The following MCTP2 variants were observed in gnomAD, a reference collection of about 807,000 sequenced individuals.
MCTP2 encodes multiple C2 and transmembrane domain-containing protein 2.
A neutral mutation model predicts 111.6 loss-of-function variants in MCTP2; 132 were observed. That is an observed-to-expected ratio of 1.18 (90% CI 1.03 to 1.37). The LOEUF is 1.37. Ranked by LOEUF, MCTP2 falls within the 40% of genes most tolerant of loss-of-function variation. MCTP2 has a pLI of 0.00. For synonymous variants in MCTP2, 395 were observed against 387.7 expected (o/e 1.02, Z -0.22); for missense variants, 1,183 against 1,067.9 (o/e 1.11, Z -1.50).
At chr15:94,390,747 T>G (rs59300739) in intron 14 of MCTP2, among the ~76,000 whole-genome samples, 41,331 of 140,666 alleles carry the variant, frequency 0.29, 6,547 homozygotes, top group East Asian at 0.66. Context: ...TTTTTTTTTT[T>G]GGGATGGAGT....
chr15:94,402,542 T>C (rs1425409309), intron 17 of MCTP2: 1 of 1,551,784 alleles, frequency 6.4e-7, no homozygotes, highest in East Asian at 2.4e-5. Context: ...CTGGTGACAT[T>C]GGCCCATCCT....
intron 1 of MCTP2, among the ~76,000 whole-genome samples, chr15:94,243,588 T>TACGCA (rs2071311087): frequency 3.3e-5 from 5 of 149,904 alleles, no homozygotes; most frequent in African/African-American, 1.2e-4. Context: ...TATGCGTATA[T>TACGCA]TTGTATATGT....
intron 8 of MCTP2, among the ~76,000 whole-genome samples, chr15:94,350,894 A>T (rs569081087): frequency 2.0e-5 from 3 of 151,582 alleles, no homozygotes; most frequent in East Asian, 3.9e-4. Flanking sequence ...TTTTTTTTTT[A>T]AATAGTAGGA....
At chr15:94,419,314 T>C (rs903734568) in intron 17 of MCTP2, among the ~76,000 whole-genome samples, 1 of 152,106 alleles carries the variant, frequency 6.6e-6, no homozygotes, top group Non-Finnish European at 1.5e-5. Context: ...ACACCAGAAA[T>C]AGTACATTTC....
intron 12 of MCTP2, among the ~76,000 whole-genome samples, chr15:94,378,528 T>C (rs776915904): frequency 6.6e-6 from 1 of 152,220 alleles, no homozygotes. Flanking sequence ...ACCTTGTCTG[T>C]ATTTAAAAAA....
intron 12 of MCTP2, among the ~76,000 whole-genome samples, chr15:94,378,357 A>G (rs2079896952): frequency 6.8e-6 from 1 of 146,268 alleles, no homozygotes. Flanking sequence ...CCTGATGTCT[A>G]CCAAAAAAAA....
At chr15:94,460,521 G>A (rs1475449934) in intron 20 of MCTP2, among the ~76,000 whole-genome samples, 1 of 152,160 alleles carries the variant, frequency 6.6e-6, no homozygotes, top group African/African-American at 2.4e-5. Context: ...AGGATAAGAG[G>A]ACACAGAGTG....
chr15:94,325,900 ACCT>A (rs928310299), intron 4 of MCTP2, among the ~76,000 whole-genome samples: 2 of 141,858 alleles, frequency 1.4e-5, no homozygotes, highest in Admixed American at 1.5e-4. Flanking sequence ...GCTCACTGCA[ACCT>A]CTGCCTCTCT....
intron 2 of MCTP2, among the ~76,000 whole-genome samples, chr15:94,311,265 G>C (rs971062711): frequency 6.6e-6 from 1 of 151,844 alleles, no homozygotes; most frequent in African/African-American, 2.4e-5. Context: ...GACCTCAGGT[G>C]ATCCGCCCAC....
chr15:94,386,854 G>C (rs77274779), intron 14 of MCTP2, among the ~76,000 whole-genome samples: 2,274 of 152,114 alleles, frequency 0.015, 64 homozygotes, highest in African/African-American at 0.051. Context: ...GTACCTAAAA[G>C]TTTTGTGTGT....
At chr15:94,363,761 A>T (rs1247163310) in intron 10 of MCTP2, among the ~76,000 whole-genome samples, 1 of 152,128 alleles carries the variant, frequency 6.6e-6, no homozygotes. Context: ...TGATGTTGGA[A>T]TAAAAATTTC....
chr15:94,469,416 A>T (rs1164478365), intron 20 of MCTP2, among the ~76,000 whole-genome samples: 1 of 152,230 alleles, frequency 6.6e-6, no homozygotes, highest in Admixed American at 6.5e-5. Context: ...AATAATACAT[A>T]GTGTAATCAC....
chr15:94,399,951 C>CG lies in MCTP2; in HGVS notation c.1924dup (p.Glu642GlyfsTer6). ...AGCAAGTATTAGGACTTTTACTCCC[C>CG]GGGAAAAGCGCTTTGTTGAAGACAG... On this transcript the variant is annotated frameshift_variant, in exon 16 of 23. Transcript: ENST00000357742. LOFTEE classifies it high-confidence loss of function. 6.2e-7 allele frequency: 1 copy of CG among 1,613,868 alleles called. No individual in the cohort carries two copies. The highest frequency in any genetic ancestry group is 1.1e-5 in the South Asian group (1 of 91,064).
chr15:94,260,598 C>G (rs187449466), intron 1 of MCTP2, among the ~76,000 whole-genome samples: 6 of 152,164 alleles, frequency 3.9e-5, no homozygotes, highest in Non-Finnish European at 8.8e-5. Flanking sequence ...TTGAAAAGAC[C>G]GTTGCTCTGG....
At chr15:94,393,033 T>G (rs17549123) in intron 14 of MCTP2, among the ~76,000 whole-genome samples, 4,356 of 152,258 alleles carry the variant, frequency 0.029, 100 homozygotes, top group Middle Eastern at 0.051. Context: ...TATGAAATTA[T>G]GCACATTTTA....
At chr15:94,254,867 A>G (rs2152272688) in intron 1 of MCTP2, among the ~76,000 whole-genome samples, 1 of 152,322 alleles carries the variant, frequency 6.6e-6, no homozygotes, top group Non-Finnish European at 1.5e-5. Flanking sequence ...AGAATTTCCA[A>G]ACTGTCAATT....
chr15:94,470,274 T>C, intron 20 of MCTP2, 59 bp from the exon 21 acceptor site: 1 of 1,185,306 alleles, frequency 8.4e-7, no homozygotes, highest in Non-Finnish European at 1.3e-6. Flanking sequence ...CATGACAAGT[T>C]GACTCTGTGG....
At chr15:94,264,533 C>T (rs979053162) in intron 1 of MCTP2, among the ~76,000 whole-genome samples, 12 of 151,836 alleles carry the variant, frequency 7.9e-5, no homozygotes, top group East Asian at 1.9e-4. Flanking sequence ...GGCGTGAACC[C>T]GGAAGGCAGA....
Position 94,376,373 on chromosome 15 carries a change from G to A in MCTP2, c.1582+6193G>A, listed in dbSNP as rs989231403. Among the ~76,000 whole-genome samples, 5 of 152,108 alleles carry A rather than the reference G, an allele frequency of 3.3e-5. No homozygotes were observed. In the South Asian group the frequency reaches 6.2e-4, roughly 19 times the overall value. On this transcript the variant is annotated intron_variant, in intron 12 of 22. Coordinates refer to ENST00000357742, the MANE Select transcript of MCTP2 (RefSeq NM_001385001.1). The stretch of plus-strand genomic sequence containing the variant: ...GTGCCCATGTTTTTGCCTTTTGTTT[G>A]TATGATAGCTGTCTCTCATTTTAAT...
Sources: allele counts gnomAD v4.1 joint callset (sites outside exome capture counted in the v4.1 genomes callset), GRCh38; gene constraint gnomAD v4.1.1; transcripts MANE v1.5; gene names NCBI Gene and HGNC (gene_info 2026-07-23, HGNC 2026-07-21).